The following EPHA6 variants were observed in gnomAD, a reference collection of about 807,000 sequenced individuals.
EPHA6 encodes EPH receptor A6, also known as ephrin type-A receptor 6.
A neutral mutation model predicts 112.0 loss-of-function variants in EPHA6; 50 were observed. That is an observed-to-expected ratio of 0.45 (90% CI 0.36 to 0.56). EPHA6 has a LOEUF of 0.56. Among genes scored for constraint, EPHA6 ranks in the 20% least tolerant of loss-of-function variants. The pLI is 0.00. For missense variants in EPHA6, 1,280 were observed against 1,417.4 expected, an observed-to-expected ratio of 0.90 and a Z score of 1.56; for synonymous variants, 529 against 490.7, an observed-to-expected ratio of 1.08 and a Z score of -1.03.
In EPHA6 at chr3:97,448,702, G is replaced by A; in HGVS notation, c.1866G>A (p.Gln622=). ...RTATGYSGYS[Q]KFEFETGDET... ...CGACAGGATACAGTGGCTACAGTCA[G>A]AAATTTGAATTTGAAACAGGAGATG... The change falls in exon 7 of 18, where the codon CAG becomes CAA. Residue 622 remains glutamine (Q), a synonymous_variant. Transcript: ENST00000389672. The A allele has an allele frequency of 6.2e-7, 1 of 1,613,448 alleles. No homozygotes were observed. The highest frequency in any genetic ancestry group is 8.5e-7 in the Non-Finnish European group (1 of 1,179,524).
chr3:97,269,787 G>A (rs759166245), intron 5 of EPHA6, among the ~76,000 whole-genome samples: 1 of 151,736 alleles, frequency 6.6e-6, no homozygotes, highest in Non-Finnish European at 1.5e-5. Context: ...TATTAAGGAT[G>A]GAAACAATAT....
intron 3 of EPHA6, among the ~76,000 whole-genome samples, chr3:97,160,943 G>T (rs1181733463): frequency 6.6e-6 from 1 of 152,066 alleles, no homozygotes; most frequent in African/African-American, 2.4e-5. Context: ...CCAAATGTAG[G>T]GACTCCCTGC....
At chr3:97,032,837 CG>C (rs916737783) in intron 3 of EPHA6, among the ~76,000 whole-genome samples, 5 of 151,910 alleles carry the variant, frequency 3.3e-5, no homozygotes, top group African/African-American at 1.2e-4. Flanking sequence ...TATTTTTTAT[CG>C]GCTGAATCGC....
intron 5 of EPHA6, among the ~76,000 whole-genome samples, chr3:97,333,174 T>C (rs1415818141): frequency 6.6e-6 from 1 of 152,128 alleles, no homozygotes; most frequent in African/African-American, 2.4e-5. Flanking sequence ...ACCTAGATCC[T>C]GTACATGTAT....
At position 97,318,314 on chromosome 3, in the gene EPHA6, T is replaced by C. The variant is rs565679905; in HGVS notation, c.1606+74027T>C. Among the ~76,000 whole-genome samples the C allele has an allele frequency of 7.2e-4, 110 of 152,174 alleles. 1 individual carries two copies. The highest frequency in any genetic ancestry group is 2.5e-3 in the African/African-American group (104 of 41,476). On this transcript the variant is annotated intron_variant, in intron 5 of 17. Coordinates refer to ENST00000389672, the MANE Select transcript of EPHA6 (RefSeq NM_001080448.3). ...TGAAGTTTAGATCATTTAAAGAACT[T>C]GCTTAAAATCATCTAGCAATGTAAA... is the stretch of plus-strand genomic sequence containing the variant.
At chr3:97,581,434 GC>G (rs1442769786) in intron 11 of EPHA6, among the ~76,000 whole-genome samples, 2 of 152,102 alleles carry the variant, frequency 1.3e-5, no homozygotes, top group African/African-American at 4.8e-5. Flanking sequence ...TATGCAACAT[GC>G]CATGCCAAGT....
At chr3:97,280,718 C>T (rs2080257741) in intron 5 of EPHA6, among the ~76,000 whole-genome samples, 1 of 152,120 alleles carries the variant, frequency 6.6e-6, no homozygotes, top group Admixed American at 6.6e-5. Context: ...CCTTATATAT[C>T]TCTTTATAAG....
chr3:97,385,421 A>C (rs2109036286), intron 5 of EPHA6, among the ~76,000 whole-genome samples: 1 of 152,304 alleles, frequency 6.6e-6, no homozygotes, highest in Middle Eastern at 3.4e-3. Flanking sequence ...AAAAGACATA[A>C]CATAATCTAG....
At chr3:97,560,373 G>A (rs913250488) in intron 11 of EPHA6, 1 of 151,952 alleles carries the variant, frequency 6.6e-6, no homozygotes, top group Non-Finnish European at 1.5e-5. Context: ...TGTGAAACTA[G>A]AGCATCTAAA....
intron 14 of EPHA6, among the ~76,000 whole-genome samples, chr3:97,718,098 C>T (rs570846691): frequency 5.3e-5 from 8 of 152,246 alleles, no homozygotes; most frequent in Admixed American, 2.6e-4. Flanking sequence ...TATATGTTCT[C>T]GGGTCAAATT....
chr3:97,551,401 T>A (rs1444726235), intron 11 of EPHA6, among the ~76,000 whole-genome samples: 1 of 152,182 alleles, frequency 6.6e-6, no homozygotes, highest in African/African-American at 2.4e-5. Context: ...GTTATATCAA[T>A]CACTGTTGGT....
At chr3:97,058,295 T>TTG (rs1559699730) in intron 3 of EPHA6, among the ~76,000 whole-genome samples, 5 of 151,734 alleles carry the variant, frequency 3.3e-5, no homozygotes, top group African/African-American at 1.2e-4. Context: ...GAGTTTTTTT[T>TTG]TTGTTGTTGT....
intron 5 of EPHA6, among the ~76,000 whole-genome samples, chr3:97,330,767 A>C (rs1219140889): frequency 6.6e-6 from 1 of 152,140 alleles, no homozygotes; most frequent in African/African-American, 2.4e-5. Flanking sequence ...AGACCTACAA[A>C]GTGACTTAGA....
intron 6 of EPHA6, among the ~76,000 whole-genome samples, chr3:97,411,752 G>A (rs1332244643): frequency 6.6e-6 from 1 of 151,976 alleles, no homozygotes; most frequent in Non-Finnish European, 1.5e-5. Flanking sequence ...TAGGCCAGGA[G>A]CCTTCAGATA....
intron 14 of EPHA6, among the ~76,000 whole-genome samples, chr3:97,673,379 G>C (rs1270940503): frequency 6.6e-6 from 1 of 152,212 alleles, no homozygotes; most frequent in African/African-American, 2.4e-5. Flanking sequence ...TAATACAGAT[G>C]AGAAGAGGAA....
At chr3:97,272,297 C>CGTGTGTGT (rs58790255) in intron 5 of EPHA6, among the ~76,000 whole-genome samples, 6 of 150,352 alleles carry the variant, frequency 4.0e-5, no homozygotes, top group African/African-American at 1.5e-4. Context: ...TATTCCATTT[C>CGTGTGTGT]GTGTGTGTGT....
chr3:97,443,401 C>A (rs896469838), intron 6 of EPHA6, among the ~76,000 whole-genome samples: 15 of 144,920 alleles, frequency 1.0e-4, no homozygotes, highest in Non-Finnish European at 1.8e-4. Flanking sequence ...TAGAGTACTA[C>A]ATATTAATAG....
At chr3:96,887,388 C>T (rs2037691726) in intron 2 of EPHA6, among the ~76,000 whole-genome samples, 1 of 152,122 alleles carries the variant, frequency 6.6e-6, no homozygotes, top group African/African-American at 2.4e-5. Context: ...GTGAGTCTAC[C>T]CGGCTCCAGG....
intron 3 of EPHA6, among the ~76,000 whole-genome samples, chr3:97,196,382 TC>T (rs1249083301): frequency 6.6e-6 from 1 of 152,020 alleles, no homozygotes; most frequent in Non-Finnish European, 1.5e-5. Context: ...CTGAATTCTT[TC>T]CCTGTGTTAT....
Sources: allele counts gnomAD v4.1 joint callset (sites outside exome capture counted in the v4.1 genomes callset), GRCh38; gene constraint gnomAD v4.1.1; transcripts MANE v1.5; gene names NCBI Gene and HGNC (gene_info 2026-07-23, HGNC 2026-07-21).